DLL4: variants seen among roughly 807,000 people sequenced by gnomAD.
DLL4 encodes delta like canonical Notch ligand 4, also known as delta-like protein 4.
In DLL4, 7 loss-of-function variants were observed where a neutral mutation model predicts 73.6. The observed-to-expected ratio is 0.10, with a 90% CI of 0.05 to 0.18. The LOEUF (loss-of-function observed/expected upper bound fraction) is 0.18. DLL4 is among the 10% of genes least tolerant of loss of function. The pLI, the probability that DLL4 is intolerant of heterozygous loss-of-function variation, is 1.00. For missense variants in DLL4, 614 were observed against 929.9 expected (o/e 0.66, Z 4.42); for synonymous variants, 345 against 374.3 (o/e 0.92, Z 0.90).
In DLL4 at chr15:40,930,246, C is replaced by T; in HGVS notation, c.336+130C>T. ...CCAAAAAGCCCAGGATGCATTCTTT[C>T]CTGGCTCTTCCCGACTCTCTCCTGA... On this transcript the variant is annotated intron_variant, in intron 2 of 10. Transcript: ENST00000249749. This position sits in a 1 kb window ranked among gnomAD's most constrained non-coding sequence, Gnocchi z 5.7. 1 of 1,149,288 alleles carries T rather than the reference C, an allele frequency of 8.7e-7. No individual in the cohort carries two copies. Among genetic ancestry groups the T allele is most frequent in the Non-Finnish European group, 1.2e-6 (1 of 822,946 alleles). The allele number at this position is 1,149,288 out of a possible 1,614,324, so 71.2% of individuals were successfully genotyped here. A position where few individuals can be genotyped will look rare whatever the true frequency, so the allele number is the denominator to read the frequency against.
At position 40,930,660 on chromosome 15, in the gene DLL4, G is replaced by T. The variant is rs1596192022; in HGVS notation, c.372G>T (p.Ala124=). 3 of 1,613,788 alleles carry T rather than the reference G, an allele frequency of 1.9e-6. No individual in the cohort carries two copies. Among genetic ancestry groups the T allele is most frequent in the Admixed American group, 1.7e-5 (1 of 60,020 alleles). The change falls in exon 3 of 11, where the codon GCG becomes GCT. Residue 124 remains alanine, a synonymous_variant. Transcript: ENST00000249749. The surrounding 1 kb of genome is among the most constrained non-coding windows in gnomAD (Gnocchi z 5.7). The stretch of plus-strand genomic sequence containing the variant: ...CGCTCATCATCGAAGCTTGGCACGC[G>T]CCAGGAGACGACCTGCGGCCAGGTG... ...TFSLIIEAWH[A]PGDDLRPEAL...
intron 6 of DLL4, among the ~76,000 whole-genome samples, chr15:40,933,048 C>T (rs1164129074): frequency 1.3e-5 from 2 of 152,262 alleles, no homozygotes; most frequent in Non-Finnish European, 2.9e-5. Context: ...AGGGGCCTTT[C>T]AGCCCCAACC....
intron 3 of DLL4, 133 bp from the exon 4 acceptor site, chr15:40,931,370 G>A (rs915777406): frequency 8.9e-7 from 1 of 1,126,382 alleles, no homozygotes; most frequent in South Asian, 1.5e-5. Context: ...CTGGCAGGCG[G>A]GGGTCATCTG....
intron 9 of DLL4, among the ~76,000 whole-genome samples, 163 bp downstream of exon 9, chr15:40,937,093 CCATT>C (rs1252153527): frequency 2.6e-5 from 4 of 152,224 alleles, no homozygotes; most frequent in Non-Finnish European, 5.9e-5. Context: ...TCCTTCCCTC[CCATT>C]CATTCATTTG....
chr15:40,934,451 C>G (rs1040757940), intron 6 of DLL4, 97 bp from the exon 7 acceptor site: 2 of 1,339,338 alleles, frequency 1.5e-6, no homozygotes, highest in African/African-American at 2.9e-5. Context: ...GTTGAGGTGT[C>G]TTTGAGCCAA....
chr15:40,932,740 AAG>A (rs1421570334), intron 6 of DLL4, among the ~76,000 whole-genome samples: 6 of 152,116 alleles, frequency 3.9e-5, no homozygotes, highest in African/African-American at 7.2e-5. Flanking sequence ...AGCAAAGCCA[AAG>A]AGAGAGGGAT....
intron 6 of DLL4, 120 bp downstream of exon 6, chr15:40,932,567 T>TC: frequency 4.5e-6 from 6 of 1,319,734 alleles, no homozygotes; most frequent in African/African-American, 1.5e-5. Context: ...TTTCCCATGA[T>TC]CTTCCAAGGA....
intron 10 of DLL4, 138 bp from the exon 11 acceptor site, chr15:40,937,891 G>T: frequency 1.0e-6 from 1 of 1,004,504 alleles, no homozygotes; most frequent in Non-Finnish European, 1.4e-6. Flanking sequence ...GTGTTGGGCC[G>T]AAGACTGGGG....
rs1892822663 is a variant in DLL4 at position 40,934,981 on chromosome 15, C to G, written c.1104C>G (p.Asp368Glu). 1 of 1,613,566 alleles carries G rather than the reference C, an allele frequency of 6.2e-7. No individual in the cohort carries two copies. Among genetic ancestry groups the G allele is most frequent in the Non-Finnish European group, 8.5e-7 (1 of 1,179,904 alleles). The change falls in exon 8 of 11, where the codon GAC becomes GAG. Residue 368 changes from aspartate (D) to glutamate (E), a missense_variant. Physicochemically the swap from Asp to Glu is conservative, Grantham distance 45. Coordinates refer to ENST00000249749, the MANE Select transcript of DLL4 (RefSeq NM_019074.4). ...HCEHSTLSCA[D>E]SPCFNGGSCR... ...AACACAGCACCTTGAGCTGCGCCGA[C>G]TCCCCCTGCTTCAATGGGGGCTCCT...
In DLL4 at chr15:40,936,556, G is replaced by A; in HGVS notation, c.1569G>A (p.Leu523=). Residue 523 remains leucine, a synonymous_variant, in exon 9 of 11, where the codon TTG becomes TTA. Coordinates refer to ENST00000249749, the MANE Select transcript of DLL4 (RefSeq NM_019074.4). ...VGSRCEFPVG[L]PPSFPWVAVS... ...GCCGCTGCGAGTTCCCCGTGGGCTT[G>A]CCGCCCAGCTTCCCCTGGGTGGCCG... The A allele has an allele frequency of 6.2e-7, 1 of 1,609,800 alleles. No homozygotes were observed. The highest frequency in any genetic ancestry group is 8.5e-7 in the Non-Finnish European group (1 of 1,178,704).
At chr15:40,932,622 G>A (rs749897232) in intron 6 of DLL4, among the ~76,000 whole-genome samples, 175 bp downstream of exon 6, 1 of 152,116 alleles carries the variant, frequency 6.6e-6, no homozygotes, top group Non-Finnish European at 1.5e-5. Flanking sequence ...AGAATGAGGC[G>A]GTGGGTCCTT....
chr15:40,933,268 TTGTGTGTGTGTG>T (rs113508793), intron 6 of DLL4, among the ~76,000 whole-genome samples: 9 of 147,342 alleles, frequency 6.1e-5, no homozygotes, highest in Admixed American at 4.0e-4. Flanking sequence ...AGTCCCTGTG[TTGTGTGTGTGTG>T]TGTGTGTGTG....
chr15:40,937,413 C>T lies in DLL4; in HGVS notation c.1944-5C>T, dbSNP rs779232608. On this transcript the variant is annotated splice_region_variant and splice_polypyrimidine_tract_variant and intron_variant, in intron 9 of 10. Coordinates refer to ENST00000249749, the MANE Select transcript of DLL4 (RefSeq NM_019074.4). ...CCCTTACACGCCTGTCTTGTGTTCC[C>T]TCAGTGAAAAGCCAGAGTGTCGGAT... 5.6e-6 allele frequency: 9 copies of T among 1,605,988 alleles called. No homozygotes were observed. The South Asian group carries it at 8.8e-5, about 16-fold the overall frequency.
Position 40,938,166 on chromosome 15 carries a change from G to A in DLL4, c.*132G>A. 9.6e-7 allele frequency: 1 copy of A among 1,036,672 alleles called. No individual in the cohort carries two copies. Among genetic ancestry groups the A allele is most frequent in the Non-Finnish European group, 1.3e-6 (1 of 754,050 alleles). The allele number at this position is 1,036,672 out of a possible 1,614,324, so 64.2% of individuals were successfully genotyped here. A position where few individuals can be genotyped will look rare whatever the true frequency, so the allele number is the denominator to read the frequency against. ...CTCTCAGGAGGAGGAGGGAATGGCA[G>A]GAACCGGACAGACTGTGAACTTGCC... On this transcript the variant is annotated 3_prime_UTR_variant, in exon 11 of 11. Coordinates refer to ENST00000249749, the MANE Select transcript of DLL4 (RefSeq NM_019074.4).
chr15:40,930,077 G>A lies in DLL4; in HGVS notation c.297G>A (p.Gly99=), dbSNP rs763278905. The A allele has an allele frequency of 2.5e-6, 4 of 1,606,916 alleles. No homozygotes were observed. The highest frequency in any genetic ancestry group is 2.7e-5 in the African/African-American group (2 of 74,734). The change falls in exon 2 of 11, where the codon GGG becomes GGA. Residue 99 remains glycine (G), a synonymous_variant. Transcript: ENST00000249749. This position sits in a 1 kb window ranked among gnomAD's most constrained non-coding sequence, Gnocchi z 5.7. ...FAVRDDSSGG[G]RNPLQLPFNF... is the part of the protein sequence containing the mutation. ...TCCGGGACGACAGTAGCGGCGGGGGGCGCAACCCTCTCCAACTGCCCTTCA... is the reference window on the plus strand; with the variant it reads ...TCCGGGACGACAGTAGCGGCGGGGGACGCAACCCTCTCCAACTGCCCTTCA...
Position 40,936,780 on chromosome 15 carries a change from G to C in DLL4, c.1793G>C (p.Cys598Ser). 6.2e-7 allele frequency: 1 copy of C among 1,613,838 alleles called. No individual in the cohort carries two copies. Among genetic ancestry groups the C allele is most frequent in the Non-Finnish European group, 8.5e-7 (1 of 1,179,882 alleles). Residue 598 changes from cysteine (C) to serine (S), a missense_variant, in exon 9 of 11, where the codon TGT becomes TCT. Cys to Ser is a moderately radical substitution (Grantham distance 112). This residue lies in a region of DLL4 where 386 missense variants were observed against 541.3 expected (regional missense o/e 0.71). Coordinates refer to ENST00000249749, the MANE Select transcript of DLL4 (RefSeq NM_019074.4). ...TNQKKELEVD[C>S]GLDKSNCGKQ... ...CAGAAGAAGGAGCTGGAAGTGGACT[G>C]TGGCCTGGACAAGTCCAACTGTGGC...
In DLL4 at chr15:40,929,604, G is replaced by A. The variant is rs909686748; in HGVS notation, c.-65G>A. ...ACCCCGCCGGCTGGCGGACGCGCGGGAAAGCGGCGTCGCGAACAGAGCCAG... is the reference window on the plus strand; with the variant it reads ...ACCCCGCCGGCTGGCGGACGCGCGGAAAAGCGGCGTCGCGAACAGAGCCAG... On this transcript the variant is annotated 5_prime_UTR_variant, in exon 1 of 11. Transcript: ENST00000249749. The surrounding 1 kb of genome is among the most constrained non-coding windows in gnomAD (Gnocchi z 7.1). 4.6e-5 allele frequency: 64 copies of A among 1,402,410 alleles called. 1 individual carries two copies. In the South Asian group the frequency reaches 7.8e-4, roughly 17 times the overall value. 86.9% of individuals were successfully genotyped at this position (1,402,410 alleles called of 1,614,324 possible).
intron 10 of DLL4, 30 bp downstream of exon 10, chr15:40,937,556 C>T: frequency 6.7e-7 from 1 of 1,502,162 alleles, no homozygotes; most frequent in Non-Finnish European, 9.3e-7. Context: ...TTCCTTCTGC[C>T]TTTTGTGGGA....
rs1471914729 is a variant in DLL4 at position 40,932,299 on chromosome 15, C to T, written c.720-18C>T. 3.1e-6 allele frequency: 5 copies of T among 1,614,022 alleles called. No homozygotes were observed. The Admixed American group carries it at 5.0e-5, about 16-fold the overall frequency. ...GCCAAGGCCTCTCACCTCACTCTGC[C>T]TCTCTCTTGTTCCCCAGCTGCCGCC... On this transcript the variant is annotated intron_variant, in intron 5 of 10. Transcript: ENST00000249749.
Sources: allele counts gnomAD v4.1 joint callset (sites outside exome capture counted in the v4.1 genomes callset), GRCh38; gene constraint gnomAD v4.1.1; regional missense constraint gnomAD v4.1.1; non-coding constraint Gnocchi (gnomAD v3.1); transcripts MANE v1.5; gene names NCBI Gene and HGNC (gene_info 2026-07-23, HGNC 2026-07-21).